The following FLT3 variants were observed in gnomAD, a reference collection of about 807,000 sequenced individuals.
The protein encoded by FLT3 is receptor-type tyrosine-protein kinase FLT3.
Under a neutral mutation model 126.6 loss-of-function variants are expected in FLT3, and 46 were observed. The ratio of observed to expected loss-of-function variants is 0.36; its 90% CI spans 0.29 to 0.46. The LOEUF (loss-of-function observed/expected upper bound fraction) is 0.46. Ranked by LOEUF, FLT3 falls within the 20% of genes least tolerant of loss-of-function variation. The pLI is 1.00. For missense variants in FLT3, 1,069 were observed against 1,190.3 expected, an observed-to-expected ratio of 0.90 and a Z score of 1.50; for synonymous variants, 404 against 434.4, an observed-to-expected ratio of 0.93 and a Z score of 0.87.
In FLT3 at chr13:28,034,405, G is replaced by A; in HGVS notation, c.1600C>T (p.Pro534Ser). 6.2e-7 allele frequency: 1 copy of A among 1,608,976 alleles called. No homozygotes were observed. The highest frequency in any genetic ancestry group is 8.5e-7 in the Non-Finnish European group (1 of 1,175,492). The change falls in exon 13 of 24, where the codon CCC (proline) becomes TCC (serine). Residue 534 changes from proline to serine, a missense_variant and splice_region_variant. Physicochemically the swap from Pro to Ser is moderately conservative, Grantham distance 74. Coordinates refer to ENST00000241453, the MANE Select transcript of FLT3 (RefSeq NM_004119.3). Reference sequence around the variant, plus strand: ...ATGTTGTCTTGGATGAAAGGGAAGGGGCCTGCAACAAAAGAGTGTCACTCA... The same window carrying A: ...ATGTTGTCTTGGATGAAAGGGAAGGAGCCTGCAACAAAAGAGTGTCACTCA... Reference protein sequence around the residue: ...CETILLNSPGPFPFIQDNISF... With the variant: ...CETILLNSPGSFPFIQDNISF...
chr13:28,059,276 A>G (rs1876320491), intron 3 of FLT3, among the ~76,000 whole-genome samples: 1 of 152,146 alleles, frequency 6.6e-6, no homozygotes, highest in Admixed American at 6.6e-5. Flanking sequence ...ACTGTTTACT[A>G]CATAGTTCCT....
At chr13:28,091,011 A>G (rs1878995104) in intron 1 of FLT3, among the ~76,000 whole-genome samples, 1 of 151,922 alleles carries the variant, frequency 6.6e-6, no homozygotes, top group African/African-American at 2.4e-5. Flanking sequence ...GTTGACATTA[A>G]TCTAAAACTT....
intron 1 of FLT3, among the ~76,000 whole-genome samples, chr13:28,091,388 ATT>A (rs899065003): frequency 2.0e-5 from 3 of 146,870 alleles, no homozygotes; most frequent in Non-Finnish European, 3.0e-5. Flanking sequence ...CGCCCGGCTA[ATT>A]TTTTGTATTT....
chr13:28,057,316 G>T (rs1275838342), intron 4 of FLT3, 31 bp downstream of exon 4: 1 of 945,116 alleles, frequency 1.1e-6, no homozygotes, highest in Non-Finnish European at 1.8e-6. Context: ...TGGTATTCCA[G>T]GCTGGAATAC....
chr13:28,087,192 C>T lies in FLT3; in HGVS notation c.43+13276G>A, dbSNP rs148499904. ...TCTAGCAATCCTCCTACCTCAGCCTCTGAAGTAGCTTTGACTACAAGGACA... is the reference window on the plus strand; with the variant it reads ...TCTAGCAATCCTCCTACCTCAGCCTTTGAAGTAGCTTTGACTACAAGGACA... On this transcript the variant is annotated intron_variant, in intron 1 of 23. Coordinates refer to ENST00000241453, the MANE Select transcript of FLT3 (RefSeq NM_004119.3). 2.3e-3 allele frequency among the ~76,000 whole-genome samples: 344 copies of T among 152,280 alleles called. 7 individuals carry two copies. In the East Asian group the frequency reaches 0.044, roughly 19 times the overall value.
At chr13:28,012,198 A>G (rs1004567836) in intron 23 of FLT3, among the ~76,000 whole-genome samples, 2 of 152,136 alleles carry the variant, frequency 1.3e-5, no homozygotes, top group African/African-American at 4.8e-5. Context: ...GAACTGGGAG[A>G]AAAAGTTTGT....
At chr13:28,027,465 T>G (rs1014944826) in intron 16 of FLT3, among the ~76,000 whole-genome samples, 5 of 152,230 alleles carry the variant, frequency 3.3e-5, no homozygotes, top group African/African-American at 1.2e-4. Context: ...TGTGGCCCTT[T>G]TTTGTATGTG....
At chr13:28,015,094 T>C (rs1208221112) in intron 22 of FLT3, 63 bp downstream of exon 22, 2 of 1,030,572 alleles carry the variant, frequency 1.9e-6, no homozygotes, top group African/African-American at 3.2e-5. Flanking sequence ...TGGTCATGCA[T>C]TTGGAAGTAG....
chr13:28,090,442 T>A (rs1449727568), intron 1 of FLT3, among the ~76,000 whole-genome samples: 2 of 152,168 alleles, frequency 1.3e-5, no homozygotes, highest in Non-Finnish European at 2.9e-5. Flanking sequence ...CTAAAGAGGA[T>A]GAAATTTACT....
chr13:28,033,873 C>G lies in FLT3; in HGVS notation c.1942+14G>C, dbSNP rs2137672070. 1 of 1,598,330 alleles carries G rather than the reference C, an allele frequency of 6.3e-7. No individual in the cohort carries two copies. The highest frequency in any genetic ancestry group is 1.1e-5 in the South Asian group (1 of 90,536). On this transcript the variant is annotated intron_variant, in intron 15 of 23. Coordinates refer to ENST00000241453, the MANE Select transcript of FLT3 (RefSeq NM_004119.3). ...TTTGTGCATCTTTGTTGCTGTCCTT[C>G]CACTATACTGTACCTTTCAGCATTT... is the stretch of plus-strand genomic sequence containing the variant.
intron 1 of FLT3, among the ~76,000 whole-genome samples, chr13:28,098,912 C>T (rs754563984): frequency 5.3e-5 from 8 of 152,066 alleles, no homozygotes; most frequent in Non-Finnish European, 1.0e-4. Flanking sequence ...TAGGCAAAAG[C>T]AATCCATGGC....
At chr13:28,029,686 C>T (rs1275643130) in intron 15 of FLT3, among the ~76,000 whole-genome samples, 1 of 152,190 alleles carries the variant, frequency 6.6e-6, no homozygotes, top group Non-Finnish European at 1.5e-5. Flanking sequence ...AGGTCTAGAA[C>T]ATTAGATTTG....
In FLT3 at chr13:28,015,203, G is replaced by T; in HGVS notation, c.2707C>A (p.Gln903Lys). The change falls in exon 22 of 24, where the codon CAA becomes AAA. Residue 903 changes from glutamine (Q) to lysine (K), a missense_variant. Physicochemically the swap from Gln to Lys is moderately conservative, Grantham distance 53. Transcript: ENST00000241453. ...PVDANFYKLI[Q>K]NGFKMDQPFY... is the part of the protein sequence containing the mutation. The stretch of plus-strand genomic sequence containing the variant: ...GGCTGATCCATTTTAAATCCATTTT[G>T]AATCAGTTTGTAGAAGTTAGCATCA... 1 of 1,612,600 alleles carries T rather than the reference G, an allele frequency of 6.2e-7. No individual in the cohort carries two copies. Among genetic ancestry groups the T allele is most frequent in the African/African-American group, 1.3e-5 (1 of 74,986 alleles).
At chr13:28,083,441 T>C (rs993269720) in intron 1 of FLT3, among the ~76,000 whole-genome samples, 1 of 152,212 alleles carries the variant, frequency 6.6e-6, no homozygotes, top group Non-Finnish European at 1.5e-5. Context: ...ATGGAAGTTA[T>C]TGATCTATAC....
chr13:28,050,294 C>T lies in FLT3; in HGVS notation c.615-72G>A, dbSNP rs73439133. ...TACAAATGAATGCTCAAGAGGAGAA[C>T]AAAGTTCTAGAGCCAGTTTTAAGGG... On this transcript the variant is annotated intron_variant, in intron 5 of 23. Coordinates refer to ENST00000241453, the MANE Select transcript of FLT3 (RefSeq NM_004119.3). 4.1e-3 allele frequency: 6,095 copies of T among 1,489,838 alleles called. 178 individuals carry two copies. In the African/African-American group the frequency reaches 0.07, roughly 17 times the overall value. The allele number at this position is 1,489,838 out of a possible 1,614,324, so 92.3% of individuals were successfully genotyped here.
chr13:28,078,553 C>A (rs1878110817), intron 1 of FLT3, among the ~76,000 whole-genome samples: 1 of 152,114 alleles, frequency 6.6e-6, no homozygotes, highest in South Asian at 2.1e-4. Flanking sequence ...CTTTTTTCTC[C>A]TGGGCCTCTG....
At chr13:28,091,608 C>T (rs940308906) in intron 1 of FLT3, among the ~76,000 whole-genome samples, 14 of 152,042 alleles carry the variant, frequency 9.2e-5, no homozygotes, top group Non-Finnish European at 1.6e-4. Flanking sequence ...AATGTTCTTT[C>T]TCTATAAATT....
At chr13:28,060,557 T>A (rs1181212736) in intron 3 of FLT3, among the ~76,000 whole-genome samples, 1 of 151,888 alleles carries the variant, frequency 6.6e-6, no homozygotes, top group Non-Finnish European at 1.5e-5. Flanking sequence ...GCTTTCTATA[T>A]ACTTATATAT....
rs749445819 is a variant in FLT3 at position 28,062,055 on chromosome 13, C to T, written c.180G>A (p.Pro60=). 2.4e-5 allele frequency: 38 copies of T among 1,611,816 alleles called. No homozygotes were observed. Among genetic ancestry groups the T allele is most frequent in the Admixed American group, 8.3e-5 (5 of 59,902 alleles). Residue 60 remains proline (P), a synonymous_variant, in exon 3 of 24, where the codon CCG becomes CCA. Transcript: ENST00000241453. Reference sequence around the variant, plus strand: ...GTCTCAACGCACACCCGAGGTCTTCCGGGGATTCTGATACCTACGTTGCAG... The same window carrying T: ...GTCTCAACGCACACCCGAGGTCTTCTGGGGATTCTGATACCTACGTTGCAG... ...SSSYPMVSES[P]EDLGCALRPQ... is the part of the protein sequence containing the mutation.
Sources: gnomAD v4.1 joint callset for allele counts (sites outside exome capture counted in the v4.1 genomes callset) on GRCh38, gnomAD v4.1.1 for gene constraint, MANE v1.5 for transcripts, NCBI Gene and HGNC (gene_info 2026-07-23, HGNC 2026-07-21) for gene names.